The following CIMAP1D variants were observed in gnomAD, a reference collection of about 807,000 sequenced individuals.
CIMAP1D encodes the protein CIMAP1 family member D.
At chr19:490,355 TAA>T in the CIMAP1D span, 4 of 193,834 alleles carry the variant, frequency 2.1e-5, no homozygotes, top group Admixed American at 6.2e-5. Flanking sequence ...AAACTCCAGC[TAA>T]AAAAAAAAGA....
chr19:476,701 T>C, the CIMAP1D span, among the ~76,000 whole-genome samples: 1 of 152,140 alleles, frequency 6.6e-6, no homozygotes, highest in South Asian at 2.1e-4. Flanking sequence ...GGAATTAAAA[T>C]AGAAATCACC....
the CIMAP1D span, among the ~76,000 whole-genome samples, chr19:471,633 A>G: frequency 7.2e-5 from 11 of 151,960 alleles, no homozygotes; most frequent in Admixed American, 1.3e-4. Flanking sequence ...AAAGCATTTA[A>G]TCCTCACTTA....
chr19:488,589 C>G, the CIMAP1D span, among the ~76,000 whole-genome samples: 1 of 152,334 alleles, frequency 6.6e-6, no homozygotes, highest in Non-Finnish European at 1.5e-5. Flanking sequence ...CTGGGACTGA[C>G]GTCCGGGTAC....
the CIMAP1D span, among the ~76,000 whole-genome samples, chr19:474,207 C>T: frequency 1.3e-5 from 2 of 152,214 alleles, no homozygotes; most frequent in Non-Finnish European, 2.9e-5. Context: ...TGGGCCCTCA[C>T]CGAGGCCAGC....
the CIMAP1D span, chr19:467,585 G>A: frequency 2.0e-6 from 2 of 1,000,762 alleles, no homozygotes; most frequent in Non-Finnish European, 3.2e-6. Flanking sequence ...GGAGGACAGG[G>A]CAGGAGAGTC....
chr19:463,639 C>G, the CIMAP1D span: 4 of 721,398 alleles, frequency 5.5e-6, no homozygotes, highest in Non-Finnish European at 8.5e-6. Flanking sequence ...TGGAAGGAGA[C>G]TCACCCTGCA....
At chr19:474,865 C>T in the CIMAP1D span, 1 of 833,100 alleles carries the variant, frequency 1.2e-6, no homozygotes. Context: ...CTCACCACAC[C>T]CTCCCACGAC....
the CIMAP1D span, among the ~76,000 whole-genome samples, chr19:479,419 G>A: frequency 6.8e-6 from 1 of 146,830 alleles, no homozygotes; most frequent in Non-Finnish European, 1.5e-5. Flanking sequence ...TTTGGGGGGG[G>A]GGGGGATGGA....
chr19:471,576 G>C, the CIMAP1D span, among the ~76,000 whole-genome samples: 2 of 151,896 alleles, frequency 1.3e-5, no homozygotes, highest in African/African-American at 4.8e-5. Context: ...CCCAGCAGCT[G>C]GGACCACAGG....
the CIMAP1D span, among the ~76,000 whole-genome samples, chr19:483,781 C>T: frequency 5.6e-4 from 85 of 152,328 alleles, no homozygotes; most frequent in African/African-American, 1.9e-3. Flanking sequence ...CCCATGGGGC[C>T]GGCTCTGGGA....
At chr19:490,622 A>G in the CIMAP1D span, among the ~76,000 whole-genome samples, 2 of 152,222 alleles carry the variant, frequency 1.3e-5, no homozygotes, top group African/African-American at 4.8e-5. Context: ...GCTGTTGCAC[A>G]TGTTTTCCAA....
At chr19:474,634 G>A in the CIMAP1D span, 2 of 1,566,610 alleles carry the variant, frequency 1.3e-6, no homozygotes, top group Admixed American at 1.8e-5. Context: ...TCTCCAGGGT[G>A]GCCGTCCCAC....
the CIMAP1D span, among the ~76,000 whole-genome samples, chr19:485,656 G>C: frequency 6.6e-6 from 1 of 152,206 alleles, no homozygotes. Context: ...TGTGAGCCAC[G>C]GTGCCAGCCC....
the CIMAP1D span, chr19:463,580 C>T: frequency 1.9e-6 from 1 of 534,136 alleles, no homozygotes; most frequent in South Asian, 2.7e-5. Flanking sequence ...TGTCCCTTTC[C>T]CCACCTGGCC....
the CIMAP1D span, chr19:474,871 A>G: frequency 2.5e-6 from 2 of 805,592 alleles, no homozygotes; most frequent in Middle Eastern, 8.3e-4. Context: ...ACACCCTCCC[A>G]CGACCACAGC....
At chr19:486,594 C>G in the CIMAP1D span, among the ~76,000 whole-genome samples, 2 of 151,888 alleles carry the variant, frequency 1.3e-5, no homozygotes, top group Non-Finnish European at 2.9e-5. Context: ...GCGCCCGTCA[C>G]CACACCCAGC....
At chr19:488,921 G>A in the CIMAP1D span, among the ~76,000 whole-genome samples, 1 of 151,846 alleles carries the variant, frequency 6.6e-6, no homozygotes, top group East Asian at 1.9e-4. Flanking sequence ...AACGCGAGGA[G>A]ACCGACCACG....
At chr19:469,220 A>ATTTTT in the CIMAP1D span, among the ~76,000 whole-genome samples, 3 of 147,332 alleles carry the variant, frequency 2.0e-5, no homozygotes, top group African/African-American at 2.5e-5. Context: ...GGCTGGGGAG[A>ATTTTT]TTCTTTTTTT....
chr19:480,613 GA>G, the CIMAP1D span, among the ~76,000 whole-genome samples: 11 of 132,920 alleles, frequency 8.3e-5, no homozygotes, highest in East Asian at 2.5e-4. Flanking sequence ...GGGGAAGGAT[GA>G]TGGGAAGGAT....
Sources: allele counts gnomAD v4.1 joint callset (sites outside exome capture counted in the v4.1 genomes callset), GRCh38; gene constraint gnomAD v4.1.1; transcripts MANE v1.5; gene names NCBI Gene and HGNC (gene_info 2026-07-23, HGNC 2026-07-21).